RYR1: variants seen among roughly 807,000 people sequenced by gnomAD.
RYR1 encodes the protein central core disease of muscle.
A neutral mutation model predicts 583.5 loss-of-function variants in RYR1; 342 were observed. The ratio of observed to expected loss-of-function variants is 0.59; its 90% CI spans 0.54 to 0.64. The LOEUF is 0.64. Ranked by LOEUF, RYR1 falls within the 30% of genes least tolerant of loss-of-function variation. RYR1 has a pLI of 0.00. For synonymous variants in RYR1, 2,791 were observed against 2,822.5 expected (o/e 0.99, Z 0.35); for missense variants, 6,032 against 6,917.2 (o/e 0.87, Z 4.54).
rs1382841665 is a variant in RYR1, at chr19:38,497,046, T to TG, written c.6891+98dup. The TG allele has an allele frequency of 5.7e-5, 61 of 1,070,468 alleles. No individual in the cohort carries two copies. The South Asian group carries it at 6.9e-4, about 12-fold the overall frequency. 66.3% of individuals were successfully genotyped at this position (1,070,468 alleles called of 1,614,324 possible). A position where few individuals can be genotyped will look rare whatever the true frequency, so the allele number is the denominator to read the frequency against. The stretch of plus-strand genomic sequence containing the variant: ...ACACCTGCTGATTCCAAACTCATTC[T>TG]GGGGGGCAATTCTGGATGGTCCAGT... On this transcript the variant is annotated intron_variant, in intron 42 of 105. Coordinates refer to ENST00000359596, the MANE Select transcript of RYR1 (RefSeq NM_000540.3).
In RYR1 at chr19:38,455,444, C is replaced by A. The variant is rs368115056; in HGVS notation, c.1577-7C>A. The A allele has an allele frequency of 6.2e-7, 1 of 1,614,160 alleles. No individual in the cohort carries two copies. Among genetic ancestry groups the A allele is most frequent in the Non-Finnish European group, 8.5e-7 (1 of 1,180,016 alleles). Reference sequence around the variant, plus strand: ...CCTATTGGATCTGACACCTCTTCCCCCCTCAGCTTCTCTAATCCGTGGCAA... The same window carrying A: ...CCTATTGGATCTGACACCTCTTCCCACCTCAGCTTCTCTAATCCGTGGCAA... On this transcript the variant is annotated splice_region_variant and splice_polypyrimidine_tract_variant and intron_variant, in intron 14 of 105. Transcript: ENST00000359596.
chr19:38,551,557 T>C (rs2034336900), intron 89 of RYR1, among the ~76,000 whole-genome samples: 1 of 152,118 alleles, frequency 6.6e-6, no homozygotes, highest in Non-Finnish European at 1.5e-5. Context: ...CCCTTGATCA[T>C]CTGTTCTCAC....
In RYR1 at chr19:38,565,965, A is replaced by G. The variant is rs1020550940; in HGVS notation, c.13437+194A>G. 1.1e-4 allele frequency among the ~76,000 whole-genome samples: 16 copies of G among 152,030 alleles called. No homozygotes were observed. Among genetic ancestry groups the G allele is most frequent in the Non-Finnish European group, 2.1e-4 (14 of 68,006 alleles). ...CCGGGCAAGAGAGACGCTCAGAGAC[A>G]GAGGGATACTCAGACCCACAGAGAA... On this transcript the variant is annotated intron_variant, in intron 91 of 105. Transcript: ENST00000359596. The surrounding 1 kb of genome is among the most constrained non-coding windows in gnomAD (Gnocchi z 4.7).
chr19:38,546,322 C>T, intron 87 of RYR1, 123 bp from the exon 88 acceptor site: 1 of 770,240 alleles, frequency 1.3e-6, no homozygotes, highest in Non-Finnish European at 2.3e-6. Context: ...GACTCGGGTC[C>T]CCTCGGAGGT....
At chr19:38,517,200 G>A (rs1381809641) in intron 65 of RYR1, among the ~76,000 whole-genome samples, 159 bp from the exon 66 acceptor site, 1 of 151,796 alleles carries the variant, frequency 6.6e-6, no homozygotes, top group Non-Finnish European at 1.5e-5. Context: ...GGTTGGGAGA[G>A]GTAGTTGGGT....
At position 38,537,874 on chromosome 19, in the gene RYR1, A is replaced by G; in HGVS notation, c.11609-6A>G. On this transcript the variant is annotated splice_polypyrimidine_tract_variant and splice_region_variant and intron_variant, in intron 83 of 105. Transcript: ENST00000359596. ...TCCTGGGCCCTGTCCCCTCCCTTCC[A>G]CCTAGGAGAGAAGGTCATGGCGGAT... 4 of 1,606,804 alleles carry G rather than the reference A, an allele frequency of 2.5e-6. No individual in the cohort carries two copies. Among genetic ancestry groups the G allele is most frequent in the Non-Finnish European group, 3.4e-6 (4 of 1,175,940 alleles).
In RYR1 at chr19:38,561,352, C is replaced by T. The variant is rs770889425; in HGVS notation, c.12522C>T (p.Arg4174=). 30 of 1,613,816 alleles carry T rather than the reference C, an allele frequency of 1.9e-5. No individual in the cohort carries two copies. Among genetic ancestry groups the T allele is most frequent in the Non-Finnish European group, 2.5e-5 (29 of 1,180,036 alleles). Reference sequence around the variant, plus strand: ...CCGAGAGCATCCTTGAGTACTTCCGCCCCTACCTGGGCCGCATCGAGATCA... The same window carrying T: ...CCGAGAGCATCCTTGAGTACTTCCGTCCCTACCTGGGCCGCATCGAGATCA... The part of the protein sequence containing the change: ...ELAESILEYF[R]PYLGRIEIMG... The change falls in exon 90 of 106, where the codon CGC becomes CGT. Residue 4174 remains arginine, a synonymous_variant. Transcript: ENST00000359596. The surrounding 1 kb of genome is among the most constrained non-coding windows in gnomAD (Gnocchi z 4.8).
chr19:38,465,816 G>A (rs1349290379), intron 23 of RYR1, among the ~76,000 whole-genome samples: 2 of 152,154 alleles, frequency 1.3e-5, no homozygotes, highest in African/African-American at 4.8e-5. Flanking sequence ...TGAGAGGTCT[G>A]AGAGAGTTCC....
At chr19:38,518,694 C>T (rs1053906348) in intron 66 of RYR1, among the ~76,000 whole-genome samples, 6 of 151,978 alleles carry the variant, frequency 3.9e-5, no homozygotes, top group Admixed American at 2.0e-4. Context: ...TATGGGAGGC[C>T]GAGGCGGGTG....
At chr19:38,439,595 C>T (rs1274792178) in intron 1 of RYR1, among the ~76,000 whole-genome samples, 1 of 152,186 alleles carries the variant, frequency 6.6e-6, no homozygotes, top group Non-Finnish European at 1.5e-5. Flanking sequence ...CAACCTCTGC[C>T]TCCTGGGTTC....
intron 29 of RYR1, 66 bp downstream of exon 29, chr19:38,475,516 GT>G: frequency 6.2e-7 from 1 of 1,602,000 alleles, no homozygotes. Context: ...GAATTTCCAA[GT>G]TTAGTGTGAC....
At chr19:38,474,560 G>T (rs1968613569) in intron 28 of RYR1, among the ~76,000 whole-genome samples, 1 of 140,540 alleles carries the variant, frequency 7.1e-6, no homozygotes, top group African/African-American at 2.7e-5. Context: ...ACCACGCCCG[G>T]CTCCTTTTTT....
chr19:38,565,536 G>A lies in RYR1; in HGVS notation c.13202G>A (p.Gly4401Glu). Reference protein sequence around the residue: ...VHGEQPAGPGGDADGEGASEG... With the variant: ...VHGEQPAGPGEDADGEGASEG... ...GGCGAGCAGCCGGCCGGGCCGGGCGGAGACGCAGACGGCGAGGGTGCCAGC... is the reference window on the plus strand; with the variant it reads ...GGCGAGCAGCCGGCCGGGCCGGGCGAAGACGCAGACGGCGAGGGTGCCAGC... The change falls in exon 91 of 106, where the codon GGA (glycine) becomes GAA (glutamate). Residue 4401 changes from glycine to glutamate, a missense_variant. By Grantham distance (98) the Gly-to-Glu change is moderately conservative. Coordinates refer to ENST00000359596, the MANE Select transcript of RYR1 (RefSeq NM_000540.3). The surrounding 1 kb of genome is among the most constrained non-coding windows in gnomAD (Gnocchi z 4.7). 1 of 1,502,492 alleles carries A rather than the reference G, an allele frequency of 6.7e-7. No individual in the cohort carries two copies. The highest frequency in any genetic ancestry group is 8.8e-7 in the Non-Finnish European group (1 of 1,133,104). The allele number at this position is 1,502,492 out of a possible 1,614,324, so 93.1% of individuals were successfully genotyped here. A position where few individuals can be genotyped will look rare whatever the true frequency, so the allele number is the denominator to read the frequency against.
chr19:38,455,628 G>A lies in RYR1; in HGVS notation c.1673-5G>A, dbSNP rs764531802. 1.9e-6 allele frequency: 3 copies of A among 1,612,412 alleles called. No homozygotes were observed. Among genetic ancestry groups the A allele is most frequent in the Middle Eastern group, 1.7e-4 (1 of 6,060 alleles). On this transcript the variant is annotated splice_polypyrimidine_tract_variant and splice_region_variant and intron_variant, in intron 15 of 105. Transcript: ENST00000359596. ...CTTCACCTCTCATTCTGGGCACCCT[G>A]GCAGGCATCCTGGAGGTCCTGTACT... is the stretch of plus-strand genomic sequence containing the variant.
rs765926709 is a variant in RYR1 at position 38,492,584 on chromosome 19, G to T, written c.6222G>T (p.Lys2074Asn). ...TGTTGGAGAAAGTGCGGCTGGTGAA[G>T]AAGAAGGAAGAGAAACCTGAGGAGG... is the stretch of plus-strand genomic sequence containing the variant. ...MSLLEKVRLV[K>N]KKEEKPEEER... Residue 2074 changes from lysine (K) to asparagine (N), a missense_variant, in exon 38 of 106, where the codon AAG becomes AAT. Lys to Asn is a moderately conservative substitution (Grantham distance 94). Transcript: ENST00000359596. 1.3e-5 allele frequency: 21 copies of T among 1,599,160 alleles called. No homozygotes were observed. The South Asian group carries it at 2.1e-4, about 16-fold the overall frequency.
Position 38,489,196 on chromosome 19 carries a change from A to G in RYR1, c.5567A>G (p.Asp1856Gly), listed in dbSNP as rs947337333. Reference protein sequence around the residue: ...STLLVMGIFGDEDVKQILKMI... With the variant: ...STLLVMGIFGGEDVKQILKMI... ...CTGTAGGTGATGGGCATCTTTGGCG[A>G]TGAGGATGTGAAACAGATCTTGAAG... Residue 1856 changes from aspartate (D) to glycine (G), a missense_variant, in exon 35 of 106, where the codon GAT becomes GGT. This residue lies in a region of RYR1 where 2,627 missense variants were observed against 2,961.3 expected (regional missense o/e 0.89). Transcript: ENST00000359596. 1 of 1,614,138 alleles carries G rather than the reference A, an allele frequency of 6.2e-7. No individual in the cohort carries two copies. Among genetic ancestry groups the G allele is most frequent in the African/African-American group, 1.3e-5 (1 of 75,036 alleles).
rs1283495205 is a variant in RYR1, at chr19:38,475,464, A to G, written c.4293+14A>G. 6.2e-7 allele frequency: 1 copy of G among 1,613,078 alleles called. No individual in the cohort carries two copies. Among genetic ancestry groups the G allele is most frequent in the Admixed American group, 1.7e-5 (1 of 59,992 alleles). On this transcript the variant is annotated intron_variant, in intron 29 of 105. Coordinates refer to ENST00000359596, the MANE Select transcript of RYR1 (RefSeq NM_000540.3). ...AACACCACCACGGTGTGGACCAGTA[A>G]CCCTCAATTTTGGGGTCCCCCCGCA... is the stretch of plus-strand genomic sequence containing the variant.
chr19:38,513,106 G>A (rs909221673), intron 63 of RYR1, among the ~76,000 whole-genome samples: 5 of 152,242 alleles, frequency 3.3e-5, no homozygotes, highest in Admixed American at 1.3e-4. Flanking sequence ...GGGAGGCCAA[G>A]GCGGACAGAT....
At chr19:38,478,761 T>C (rs1275349714) in intron 31 of RYR1, among the ~76,000 whole-genome samples, 161 bp downstream of exon 31, 1 of 152,140 alleles carries the variant, frequency 6.6e-6, no homozygotes. Flanking sequence ...GAAACTTCCA[T>C]GAAACTAAGG....
Sources: allele counts gnomAD v4.1 joint callset (sites outside exome capture counted in the v4.1 genomes callset), GRCh38; gene constraint gnomAD v4.1.1; regional missense constraint gnomAD v4.1.1; non-coding constraint Gnocchi (gnomAD v3.1); transcripts MANE v1.5; gene names NCBI Gene and HGNC (gene_info 2026-07-23, HGNC 2026-07-21).